Variants in MAST4 observed in about 807,000 individuals in gnomAD.
MAST4 encodes the protein microtubule associated serine/threonine kinase family member 4.
Under a neutral mutation model 162.7 loss-of-function variants are expected in MAST4, and 89 were observed. The observed-to-expected ratio is 0.55, with a 90% CI of 0.46 to 0.65. The LOEUF (loss-of-function observed/expected upper bound fraction) is 0.65, where lower values mean the gene tolerates loss of function less well. MAST4 is among the 30% of genes least tolerant of loss of function. MAST4 has a pLI of 0.00. For synonymous variants in MAST4, 1,479 were observed against 1,361.1 expected, an observed-to-expected ratio of 1.09 and a Z score of -1.91; for missense variants, 3,153 against 3,374.0, an observed-to-expected ratio of 0.93 and a Z score of 1.62.
chr5:67,111,269 C>CACAG (rs1766202015), intron 11 of MAST4, among the ~76,000 whole-genome samples: 1 of 152,116 alleles, frequency 6.6e-6, no homozygotes. Flanking sequence ...CAGAAATACA[C>CACAG]ACATACATAC....
intron 5 of MAST4, among the ~76,000 whole-genome samples, chr5:67,062,116 G>C (rs1356514863): frequency 6.6e-6 from 1 of 152,152 alleles, no homozygotes; most frequent in Non-Finnish European, 1.5e-5. Context: ...ATAAGATGAG[G>C]CTGGGCTGGG....
intron 1 of MAST4, among the ~76,000 whole-genome samples, chr5:66,705,292 T>A (rs1750059290): frequency 6.6e-6 from 1 of 152,236 alleles, no homozygotes; most frequent in South Asian, 2.1e-4. Context: ...GGGTATAGCA[T>A]GAGCATGTTT....
chr5:66,939,823 T>A (rs900144950), intron 4 of MAST4, among the ~76,000 whole-genome samples: 1 of 152,152 alleles, frequency 6.6e-6, no homozygotes, highest in Non-Finnish European at 1.5e-5. Context: ...GCACACAACT[T>A]TTTTGATTTC....
intron 1 of MAST4, among the ~76,000 whole-genome samples, chr5:66,649,862 C>T (rs770715749): frequency 5.9e-5 from 9 of 152,122 alleles, no homozygotes; most frequent in Middle Eastern, 3.2e-3. Context: ...CCCTAGAGTT[C>T]GAGATCAGTT....
chr5:66,891,729 C>T (rs945135436), intron 3 of MAST4, among the ~76,000 whole-genome samples: 12 of 152,202 alleles, frequency 7.9e-5, no homozygotes, highest in Non-Finnish European at 1.5e-4. Context: ...CACCTACTCC[C>T]AAGGCTGCCA....
Position 66,759,713 on chromosome 5 carries a change from A to C in MAST4, c.368A>C (p.Asp123Ala). Residue 123 changes from aspartate (D) to alanine (A), a missense_variant, in exon 2 of 29, where the codon GAC becomes GCC. Physicochemically the swap from Asp to Ala is moderately radical, Grantham distance 126. Transcript: ENST00000403625. ...CCATTCTTCCTCTTTCTGCAGCTTG[A>C]CCACATATTATCCCCTCCACCCATG... ...ASQEEQDEELDHILSPPPMPF... is the reference protein window; with the variant it reads ...ASQEEQDEELAHILSPPPMPF... 6.2e-7 allele frequency: 1 copy of C among 1,613,794 alleles called. No homozygotes were observed. The highest frequency in any genetic ancestry group is 8.5e-7 in the Non-Finnish European group (1 of 1,179,776).
chr5:66,753,565 T>A (rs1309204777), intron 1 of MAST4, among the ~76,000 whole-genome samples: 1 of 151,648 alleles, frequency 6.6e-6, no homozygotes, highest in South Asian at 2.1e-4. Context: ...AATGGATAAA[T>A]TCCTCAATGC....
At chr5:67,115,230 T>A (rs1766749101) in intron 12 of MAST4, among the ~76,000 whole-genome samples, 1 of 152,160 alleles carries the variant, frequency 6.6e-6, no homozygotes. Flanking sequence ...AACATTTAGG[T>A]TATATACTCC....
chr5:67,166,116 A>G lies in MAST4; in HGVS notation c.6937A>G (p.Ser2313Gly), dbSNP rs773536685. ...HLPRPGHPGP[S>G]EPADQKLSAV... Reference sequence around the variant, plus strand: ...GCCAAGGCCGGGACACCCAGGGCCTAGTGAGCCAGCGGACCAGAAACTGTC... The same window carrying G: ...GCCAAGGCCGGGACACCCAGGGCCTGGTGAGCCAGCGGACCAGAAACTGTC... Residue 2313 changes from serine (S) to glycine (G), a missense_variant, in exon 29 of 29, where the codon AGT becomes GGT. This residue lies in a region of MAST4 where 1,644 missense variants were observed against 1,495.0 expected (regional missense o/e 1.10). Transcript: ENST00000403625. 1 of 1,608,206 alleles carries G rather than the reference A, an allele frequency of 6.2e-7. No individual in the cohort carries two copies. The highest frequency in any genetic ancestry group is 8.5e-7 in the Non-Finnish European group (1 of 1,177,170).
intron 3 of MAST4, among the ~76,000 whole-genome samples, chr5:66,817,856 G>A (rs1408836866): frequency 1.3e-5 from 2 of 152,154 alleles, no homozygotes; most frequent in Non-Finnish European, 2.9e-5. Context: ...TAAAACTTGA[G>A]ATAGATTGTC....
Position 67,118,752 on chromosome 5 carries a change from A to G in MAST4, c.1659+3A>G. 1 of 1,530,392 alleles carries G rather than the reference A, an allele frequency of 6.5e-7. No homozygotes were observed. Among genetic ancestry groups the G allele is most frequent in the Non-Finnish European group, 8.9e-7 (1 of 1,120,902 alleles). 94.8% of individuals were successfully genotyped at this position (1,530,392 alleles called of 1,614,324 possible). On this transcript the variant is annotated splice_donor_region_variant and intron_variant, in intron 13 of 28. Coordinates refer to ENST00000403625, the MANE Select transcript of MAST4 (RefSeq NM_001164664.2). The stretch of plus-strand genomic sequence containing the variant: ...CAGAAACAGATGAATCAGTGAGTGT[A>G]AGTATATTTCTTGATGAAATATGAT...
In MAST4 at chr5:66,972,529, A is replaced by G. The variant is rs565352053; in HGVS notation, c.674+72547A>G. 3.3e-5 allele frequency among the ~76,000 whole-genome samples: 5 copies of G among 152,342 alleles called. 1 individual carries two copies. The highest frequency in any genetic ancestry group is 1.2e-4 in the African/African-American group (5 of 41,580). ...ATTCTTCCCTTTAAAAAATCTTTGC[A>G]GTGTGCACATGTGTAGATTTGGGGG... On this transcript the variant is annotated intron_variant, in intron 4 of 28. Coordinates refer to ENST00000403625, the MANE Select transcript of MAST4 (RefSeq NM_001164664.2).
intron 21 of MAST4, 176 bp downstream of exon 21, chr5:67,142,709 C>G: frequency 1.9e-6 from 1 of 534,574 alleles, no homozygotes. Flanking sequence ...GTCCCTATCC[C>G]CTAGGCCTTT....
chr5:67,005,790 A>G (rs1690859666), intron 4 of MAST4, among the ~76,000 whole-genome samples: 1 of 152,246 alleles, frequency 6.6e-6, no homozygotes. Context: ...GGCATTTCTC[A>G]CCACATTTGT....
chr5:66,697,141 A>C (rs1749458999), intron 1 of MAST4, among the ~76,000 whole-genome samples: 2 of 152,214 alleles, frequency 1.3e-5, no homozygotes. Context: ...CAAGGAAAAC[A>C]ACTGTACTTG....
chr5:66,983,157 T>C (rs924945363), intron 4 of MAST4, among the ~76,000 whole-genome samples: 13 of 152,200 alleles, frequency 8.5e-5, no homozygotes, highest in African/African-American at 3.1e-4. Flanking sequence ...TCATCATACC[T>C]ATATGTACCT....
chr5:67,140,833 A>G (rs1280400979), intron 19 of MAST4, among the ~76,000 whole-genome samples: 2 of 152,216 alleles, frequency 1.3e-5, no homozygotes, highest in Non-Finnish European at 2.9e-5. Context: ...AGACTTCAGT[A>G]TTTTGCTAGA....
At chr5:66,789,999 T>C in intron 3 of MAST4, among the ~76,000 whole-genome samples, 1 of 144,352 alleles carries the variant, frequency 6.9e-6, no homozygotes, top group Non-Finnish European at 1.5e-5. Flanking sequence ...TTTTTTTTTT[T>C]TTTTTTTTTT....
At chr5:66,927,988 C>G (rs1765029969) in intron 4 of MAST4, among the ~76,000 whole-genome samples, 1 of 152,132 alleles carries the variant, frequency 6.6e-6, no homozygotes, top group Non-Finnish European at 1.5e-5. Flanking sequence ...TGACATTTCT[C>G]TGGTCTGTAC....
Sources: allele counts gnomAD v4.1 joint callset (sites outside exome capture counted in the v4.1 genomes callset), GRCh38; gene constraint gnomAD v4.1.1; regional missense constraint gnomAD v4.1.1; transcripts MANE v1.5; gene names NCBI Gene and HGNC (gene_info 2026-07-23, HGNC 2026-07-21).